The following DDX46 variants were observed in gnomAD, a reference collection of about 807,000 sequenced individuals.
The protein encoded by DDX46 is probable ATP-dependent RNA helicase DDX46.
Under a neutral mutation model 134.9 loss-of-function variants are expected in DDX46, and 30 were observed. That is an observed-to-expected ratio of 0.22 (90% CI 0.17 to 0.30). The LOEUF (loss-of-function observed/expected upper bound fraction) is 0.30, where lower values mean the gene tolerates loss of function less well. Ranked by LOEUF, DDX46 falls within the 10% of genes least tolerant of loss-of-function variation. The pLI, the probability that DDX46 is intolerant of heterozygous loss-of-function variation, is 1.00. For missense variants in DDX46, 622 were observed against 1,248.7 expected (o/e 0.50, Z 7.56); for synonymous variants, 415 against 404.1 (o/e 1.03, Z -0.32).
intron 22 of DDX46, 95 bp downstream of exon 22, chr5:134,827,115 T>A: frequency 7.9e-7 from 1 of 1,264,020 alleles, no homozygotes; most frequent in South Asian, 1.5e-5. Context: ...AAACATATAG[T>A]TTGATGAATT....
chr5:134,807,175 C>CTTTT (rs11284486), intron 15 of DDX46, among the ~76,000 whole-genome samples: 1 of 121,730 alleles, frequency 8.2e-6, no homozygotes. Flanking sequence ...CCACGCCTGG[C>CTTTT]TTTTTTTTTT....
intron 21 of DDX46, among the ~76,000 whole-genome samples, chr5:134,822,608 C>T (rs892781323): frequency 2.6e-5 from 4 of 152,056 alleles, no homozygotes; most frequent in Non-Finnish European, 5.9e-5. Flanking sequence ...CAAACCTACT[C>T]ATCTTTTTTT....
intron 15 of DDX46, chr5:134,797,171 A>AAAAAAAAC (rs1754682735): frequency 8.2e-6 from 2 of 243,218 alleles, no homozygotes; most frequent in Non-Finnish European, 1.5e-5. Flanking sequence ...CCGTCTCAAA[A>AAAAAAAAC]AAAAAAAAAA....
At chr5:134,815,706 CAAAAAAAA>C (rs374562980) in intron 18 of DDX46, among the ~76,000 whole-genome samples, 1 of 28,706 alleles carries the variant, frequency 3.5e-5, no homozygotes, top group African/African-American at 1.0e-4. Flanking sequence ...GACTCTGTCT[CAAAAAAAA>C]AAAAAAAAAA....
At chr5:134,785,441 C>T in intron 10 of DDX46, 24 bp from the exon 11 acceptor site, 1 of 1,607,790 alleles carries the variant, frequency 6.2e-7, no homozygotes, top group Non-Finnish European at 8.5e-7. Flanking sequence ...GGTGGTTAGG[C>T]TACTGATGTA....
chr5:134,815,729 A>AAT (rs1755272557), intron 18 of DDX46, among the ~76,000 whole-genome samples: 1 of 151,222 alleles, frequency 6.6e-6, no homozygotes, highest in South Asian at 2.1e-4. Context: ...AAAAAAAAAA[A>AAT]AAAGAAATGC....
In DDX46 at chr5:134,768,397, A is replaced by G. The variant is rs190306758; in HGVS notation, c.350+1337A>G. Among the ~76,000 whole-genome samples the G allele has an allele frequency of 3.1e-3, 464 of 151,516 alleles. 3 individuals carry two copies. Among genetic ancestry groups the G allele is most frequent in the African/African-American group, 0.011 (435 of 41,312 alleles). ...AGTGCTGGGATTAAAGGCGTGAGCC[A>G]CCGTGCCTGGCCAGAAAAATTTTTA... On this transcript the variant is annotated intron_variant, in intron 3 of 22. Transcript: ENST00000452510.
At chr5:134,796,411 T>TTATA (rs1208994885) in intron 15 of DDX46, among the ~76,000 whole-genome samples, 2 of 152,350 alleles carry the variant, frequency 1.3e-5, no homozygotes, top group East Asian at 1.9e-4. Flanking sequence ...TTTCTCTGTG[T>TTATA]TATACCCTTT....
At chr5:134,788,705 G>A in intron 12 of DDX46, 114 bp downstream of exon 12, 3 of 966,732 alleles carry the variant, frequency 3.1e-6, no homozygotes, top group East Asian at 2.6e-5. Context: ...TAAAGCTGCA[G>A]TATCTTAAAA....
chr5:134,792,196 A>T (rs947384691), intron 13 of DDX46, among the ~76,000 whole-genome samples: 2 of 152,000 alleles, frequency 1.3e-5, no homozygotes, highest in Admixed American at 6.6e-5. Context: ...TAATATAATA[A>T]TAATAATAGT....
chr5:134,789,848 T>C (rs1200548883), intron 12 of DDX46, among the ~76,000 whole-genome samples: 1 of 152,198 alleles, frequency 6.6e-6, no homozygotes, highest in African/African-American at 2.4e-5. Context: ...CTTAATAAAA[T>C]TGGGATTTAT....
intron 8 of DDX46, among the ~76,000 whole-genome samples, 157 bp downstream of exon 8, chr5:134,782,243 C>T (rs1754176291): frequency 1.3e-5 from 2 of 152,252 alleles, no homozygotes; most frequent in Middle Eastern, 3.4e-3. Context: ...CGGTGGCTCA[C>T]GCCTGTAATC....
At position 134,790,059 on chromosome 5, in the gene DDX46, C is replaced by G. The variant is rs1044609213; in HGVS notation, c.1544-411C>G. On this transcript the variant is annotated intron_variant, in intron 12 of 22. Coordinates refer to ENST00000452510, the MANE Select transcript of DDX46 (RefSeq NM_001300860.2). ...GTGTCTAAAATAGTTAGCACTAGAA[C>G]TTGCTTTCCACACATACGCTGTAAT... 4 of 457,770 alleles carry G rather than the reference C, an allele frequency of 8.7e-6. No individual in the cohort carries two copies. The Admixed American group carries it at 9.4e-5, about 11-fold the overall frequency. The allele number at this position is 457,770 out of a possible 1,614,324, so 28.4% of individuals were successfully genotyped here.
intron 11 of DDX46, among the ~76,000 whole-genome samples, chr5:134,786,959 G>C (rs1314980391): frequency 6.6e-6 from 1 of 152,108 alleles, no homozygotes; most frequent in Non-Finnish European, 1.5e-5. Context: ...ATCTTACTCT[G>C]TTGCCCGGGC....
Position 134,795,004 on chromosome 5 carries a change from A to C in DDX46, c.1781A>C (p.Glu594Ala). The C allele has an allele frequency of 6.2e-7, 1 of 1,614,018 alleles. No homozygotes were observed. Among genetic ancestry groups the C allele is most frequent in the Non-Finnish European group, 8.5e-7 (1 of 1,179,976 alleles). The change falls in exon 14 of 23, where the codon GAG becomes GCG. Residue 594 changes from glutamate (E) to alanine (A), a missense_variant. Glu to Ala is a moderately radical substitution (Grantham distance 107). This residue lies in a region of DDX46 where 209 missense variants were observed against 508.4 expected (regional missense o/e 0.41). Transcript: ENST00000452510. The part of the protein sequence containing the change: ...GGRSVVCSDV[E>A]QQVIVIEEEK... ...AGGAGTGTGGTTTGCTCAGATGTGG[A>C]GCAACAAGTGGTGGGTACCATCTTT...
intron 6 of DDX46, among the ~76,000 whole-genome samples, chr5:134,780,564 C>CAATCAATCAATA (rs1554148887): frequency 1.1e-4 from 15 of 142,308 alleles, no homozygotes; most frequent in African/African-American, 3.9e-4. Context: ...AACTTTATCT[C>CAATCAATCAATA]AATAAATAAA....
intron 15 of DDX46, among the ~76,000 whole-genome samples, chr5:134,797,399 G>T (rs1416920757): frequency 2.0e-5 from 3 of 152,060 alleles, no homozygotes; most frequent in African/African-American, 7.2e-5. Context: ...AGTGGAGCTG[G>T]GCATCACCTA....
At chr5:134,808,679 C>T (rs1755058519) in intron 16 of DDX46, among the ~76,000 whole-genome samples, 1 of 152,094 alleles carries the variant, frequency 6.6e-6, no homozygotes, top group Admixed American at 6.6e-5. Context: ...CTTTACCTCC[C>T]TATCATTCAT....
In DDX46 at chr5:134,794,875, G is replaced by A; in HGVS notation, c.1652G>A (p.Arg551His). ...PQVMRIVDNV[R>H]PDRQTVMFSA... ...GTCATGCGCATCGTGGATAATGTTC[G>A]TCCTGATCGACAGACGGTTATGTTT... is the stretch of plus-strand genomic sequence containing the variant. Residue 551 changes from arginine to histidine, a missense_variant, in exon 14 of 23, where the codon CGT becomes CAT. Around this residue, in one of 8 missense-constraint regions of DDX46, gnomAD observed 209 missense variants for 508.4 expected, o/e 0.41. Transcript: ENST00000452510. 2.5e-6 allele frequency: 4 copies of A among 1,614,112 alleles called. No homozygotes were observed. Among genetic ancestry groups the A allele is most frequent in the Non-Finnish European group, 3.4e-6 (4 of 1,180,012 alleles).
Sources: allele counts gnomAD v4.1 joint callset (sites outside exome capture counted in the v4.1 genomes callset), GRCh38; gene constraint gnomAD v4.1.1; regional missense constraint gnomAD v4.1.1; transcripts MANE v1.5; gene names NCBI Gene and HGNC (gene_info 2026-07-23, HGNC 2026-07-21).